Variants in ST6GALNAC5 observed in about 807,000 individuals in gnomAD.
ST6GALNAC5 encodes ST6 N-acetylgalactosaminide alpha-2,6-sialyltransferase 5.
A neutral mutation model predicts 33.6 loss-of-function variants in ST6GALNAC5; 27 were observed. The observed-to-expected ratio is 0.80, with a 90% CI of 0.59 to 1.11. The LOEUF is 1.11. Ranked by LOEUF, ST6GALNAC5 falls within the 50% of genes least tolerant of loss-of-function variation. The pLI is 0.00. For missense variants in ST6GALNAC5, 428 were observed against 454.0 expected (o/e 0.94, Z 0.52); for synonymous variants, 194 against 171.2 (o/e 1.13, Z -1.04).
chr1:76,957,594 G>GTCCA (rs1648055381), intron 2 of ST6GALNAC5, among the ~76,000 whole-genome samples: 1 of 147,858 alleles, frequency 6.8e-6, no homozygotes, highest in Non-Finnish European at 1.5e-5. Context: ...AACTCCAACT[G>GTCCA]TCCACCCACC....
chr1:76,899,630 C>A (rs60996303), intron 2 of ST6GALNAC5, among the ~76,000 whole-genome samples: 92,994 of 152,018 alleles, frequency 0.61, 29,179 homozygotes, highest in African/African-American at 0.74. Flanking sequence ...CACCAAGGGA[C>A]GGCTGCCTTC....
intron 2 of ST6GALNAC5, among the ~76,000 whole-genome samples, chr1:76,913,982 A>G (rs1646941321): frequency 6.6e-6 from 1 of 152,214 alleles, no homozygotes; most frequent in Admixed American, 6.5e-5. Context: ...ACTGATAAGC[A>G]ACTTCAGCAA....
intron 2 of ST6GALNAC5, among the ~76,000 whole-genome samples, chr1:76,887,143 CA>C: frequency 6.6e-6 from 1 of 152,240 alleles, no homozygotes; most frequent in East Asian, 1.9e-4. Flanking sequence ...CACCTCCACA[CA>C]CAAAAGTAAA....
intron 3 of ST6GALNAC5, among the ~76,000 whole-genome samples, chr1:77,045,549 C>T (rs1021726399): frequency 2.6e-5 from 4 of 152,132 alleles, no homozygotes; most frequent in Admixed American, 2.6e-4. Context: ...ATGTATTTTT[C>T]ACTATAGGTT....
In ST6GALNAC5 at chr1:76,900,658, G is replaced by A. The variant is rs142749521; in HGVS notation, c.261+31916G>A. On this transcript the variant is annotated intron_variant, in intron 2 of 4. Coordinates refer to ENST00000477717, the MANE Select transcript of ST6GALNAC5 (RefSeq NM_030965.3). ...TTGAACAAAATGAAAGCAAGGAAGC[G>A]ATCAATCTCATTTGAAAAGTGAACA... is the stretch of plus-strand genomic sequence containing the variant. 7.4e-4 allele frequency among the ~76,000 whole-genome samples: 112 copies of A among 152,216 alleles called. 2 individuals are homozygous for A. Among genetic ancestry groups the A allele is most frequent in the African/African-American group, 2.5e-3 (104 of 41,550 alleles).
At chr1:77,018,436 A>T (rs977515705) in intron 2 of ST6GALNAC5, among the ~76,000 whole-genome samples, 1 of 152,224 alleles carries the variant, frequency 6.6e-6, no homozygotes, top group Non-Finnish European at 1.5e-5. Flanking sequence ...AGGTTTCTAG[A>T]GAACTGTTAC....
intron 2 of ST6GALNAC5, among the ~76,000 whole-genome samples, chr1:76,906,382 A>G (rs1646864480): frequency 6.6e-6 from 1 of 152,194 alleles, no homozygotes; most frequent in Non-Finnish European, 1.5e-5. Context: ...ATGAAGTGGC[A>G]GTGTCTTTCC....
intron 2 of ST6GALNAC5, among the ~76,000 whole-genome samples, chr1:76,920,094 T>C (rs1647015516): frequency 6.6e-6 from 1 of 152,206 alleles, no homozygotes; most frequent in Non-Finnish European, 1.5e-5. Context: ...GTGATGACTT[T>C]ATTTCACATG....
At position 76,995,900 on chromosome 1, in the gene ST6GALNAC5, C is replaced by T. The variant is rs576242237; in HGVS notation, c.262-48304C>T. Reference sequence around the variant, plus strand: ...TTCATTCCCACGACTAGCATGGAGCCGAAGAGGAGATGAAAACATTTTTAT... The same window carrying T: ...TTCATTCCCACGACTAGCATGGAGCTGAAGAGGAGATGAAAACATTTTTAT... On this transcript the variant is annotated intron_variant, in intron 2 of 4. Transcript: ENST00000477717. Among the ~76,000 whole-genome samples the T allele has an allele frequency of 9.2e-5, 14 of 152,078 alleles. No individual in the cohort carries two copies. The Middle Eastern group carries it at 0.014, about 149-fold the overall frequency.
rs560598932 is a variant in ST6GALNAC5 at position 77,065,718 on chromosome 1, T to C, written c.*2512T>C. 6.6e-6 allele frequency: 1 copy of C among 152,356 alleles called. No individual in the cohort carries two copies. Among genetic ancestry groups the C allele is most frequent in the South Asian group, 2.1e-4 (1 of 4,830 alleles). The allele number at this position is 152,356 out of a possible 1,614,324, so 9.4% of individuals were successfully genotyped here. A position where few individuals can be genotyped will look rare whatever the true frequency, so the allele number is the denominator to read the frequency against. On this transcript the variant is annotated 3_prime_UTR_variant, in exon 5 of 5. Transcript: ENST00000477717. The stretch of plus-strand genomic sequence containing the variant: ...TATAAACTCTGATATAAAAGATGAC[T>C]ACAGAACCATGTTTATAGACCTCGG...
intron 2 of ST6GALNAC5, among the ~76,000 whole-genome samples, chr1:76,929,037 T>TAAG (rs1433280423): frequency 6.6e-6 from 1 of 152,188 alleles, no homozygotes; most frequent in Non-Finnish European, 1.5e-5. Flanking sequence ...CTTCAAGCCT[T>TAAG]ACTTTCTTTC....
intron 2 of ST6GALNAC5, among the ~76,000 whole-genome samples, chr1:77,025,816 C>T (rs994247315): frequency 5.3e-5 from 8 of 152,166 alleles, no homozygotes; most frequent in African/African-American, 1.9e-4. Context: ...AGTCTTCTCC[C>T]CTGCAGCTAC....
chr1:76,979,929 G>A lies in ST6GALNAC5; in HGVS notation c.262-64275G>A, dbSNP rs1557746146. 2.6e-5 allele frequency among the ~76,000 whole-genome samples: 4 copies of A among 152,212 alleles called. No individual in the cohort carries two copies. In the South Asian group the frequency reaches 6.2e-4, roughly 24 times the overall value. ...TGCACTCCAGCCTGGGGGATAGAGT[G>A]AGACTCTGTCTCCAAAAAAAGACTG... is the stretch of plus-strand genomic sequence containing the variant. On this transcript the variant is annotated intron_variant, in intron 2 of 4. Transcript: ENST00000477717.
At chr1:76,876,278 T>G (rs1290023728) in intron 2 of ST6GALNAC5, among the ~76,000 whole-genome samples, 1 of 152,122 alleles carries the variant, frequency 6.6e-6, no homozygotes, top group Non-Finnish European at 1.5e-5. Flanking sequence ...CACTCAGCAG[T>G]GGCCATAGCC....
chr1:77,048,349 C>T (rs1570136531), intron 3 of ST6GALNAC5, among the ~76,000 whole-genome samples: 1 of 152,304 alleles, frequency 6.6e-6, no homozygotes, highest in East Asian at 1.9e-4. Context: ...CATCCTCTTC[C>T]TGGGTTCCAC....
chr1:77,055,861 CT>C (rs1652381208), intron 4 of ST6GALNAC5, among the ~76,000 whole-genome samples: 1 of 152,208 alleles, frequency 6.6e-6, no homozygotes. Context: ...TAGAGTGTAT[CT>C]TCAGTACAGA....
intron 2 of ST6GALNAC5, among the ~76,000 whole-genome samples, chr1:76,893,624 T>C (rs190162959): frequency 1.3e-5 from 2 of 152,316 alleles, no homozygotes; most frequent in Admixed American, 6.5e-5. Context: ...TAGCCATCAA[T>C]AGAAGACACT....
intron 2 of ST6GALNAC5, among the ~76,000 whole-genome samples, chr1:77,017,164 A>C (rs1390027788): frequency 6.6e-6 from 1 of 152,036 alleles, no homozygotes; most frequent in East Asian, 1.9e-4. Context: ...AAAAAAAAAA[A>C]AAAAGGTAAA....
intron 2 of ST6GALNAC5, among the ~76,000 whole-genome samples, chr1:77,021,172 T>C (rs143368799): frequency 9.8e-5 from 15 of 152,336 alleles, no homozygotes; most frequent in Middle Eastern, 3.4e-3. Flanking sequence ...TTCAAATCAG[T>C]CTTTTTTAAA....
Sources: allele counts gnomAD v4.1 joint callset (sites outside exome capture counted in the v4.1 genomes callset), GRCh38; gene constraint gnomAD v4.1.1; transcripts MANE v1.5; gene names NCBI Gene and HGNC (gene_info 2026-07-23, HGNC 2026-07-21).